Variants in CTDSPL observed in about 807,000 individuals in gnomAD.
CTDSPL encodes CTD small phosphatase-like protein.
Under a neutral mutation model 30.5 loss-of-function variants are expected in CTDSPL, and 8 were observed. The observed-to-expected ratio is 0.26, with a 90% CI of 0.15 to 0.47. CTDSPL has a LOEUF of 0.47. CTDSPL is among the 20% of genes least tolerant of loss of function. CTDSPL has a pLI of 0.99. For synonymous variants in CTDSPL, 110 were observed against 137.9 expected, an observed-to-expected ratio of 0.80 and a Z score of 1.42; for missense variants, 248 against 366.1, an observed-to-expected ratio of 0.68 and a Z score of 2.63.
At chr3:37,972,675 C>T (rs562455831) in intron 6 of CTDSPL, among the ~76,000 whole-genome samples, 2 of 152,218 alleles carry the variant, frequency 1.3e-5, no homozygotes, top group African/African-American at 2.4e-5. Flanking sequence ...TTAGTCTCCC[C>T]CTTCACAGGT....
At chr3:37,927,977 A>G (rs138756812) in intron 1 of CTDSPL, among the ~76,000 whole-genome samples, 1 of 152,162 alleles carries the variant, frequency 6.6e-6, no homozygotes, top group Non-Finnish European at 1.5e-5. Flanking sequence ...TCTTTGTATA[A>G]TATCCTTTAT....
At position 37,975,680 on chromosome 3, in the gene CTDSPL, C is replaced by T. The variant is rs772765399; in HGVS notation, c.520-29C>T. The T allele has an allele frequency of 6.3e-7, 1 of 1,578,594 alleles. No homozygotes were observed. Among genetic ancestry groups the T allele is most frequent in the Non-Finnish European group, 8.6e-7 (1 of 1,157,812 alleles). On this transcript the variant is annotated intron_variant, in intron 6 of 7. Coordinates refer to ENST00000273179, the MANE Select transcript of CTDSPL (RefSeq NM_001008392.2). This position sits in a 1 kb window ranked among gnomAD's most constrained non-coding sequence, Gnocchi z 4.9. ...GGTTTGGGGGGCTCTTTTAAACACC[C>T]AGCCTTCATTGTGACACGTCTTTTC... is the stretch of plus-strand genomic sequence containing the variant.
rs1699482752 is a variant in CTDSPL at position 37,980,793 on chromosome 3, C to A, written c.757C>A (p.Leu253Ile). ...CATGACGGACACGGAGCTGCTGGACCTCATCCCCTTCTTTGAGGGCCTGAG... is the reference window on the plus strand; with the variant it reads ...CATGACGGACACGGAGCTGCTGGACATCATCCCCTTCTTTGAGGGCCTGAG... ...DDMTDTELLD[L>I]IPFFEGLSRE... Residue 253 changes from leucine (L) to isoleucine (I), a missense_variant, in exon 8 of 8, where the codon CTC becomes ATC. Around this residue, in one of 4 missense-constraint regions of CTDSPL, gnomAD observed 84 missense variants for 139.4 expected, o/e 0.60. Coordinates refer to ENST00000273179, the MANE Select transcript of CTDSPL (RefSeq NM_001008392.2). 5 of 1,614,120 alleles carry A rather than the reference C, an allele frequency of 3.1e-6. No individual in the cohort carries two copies. The highest frequency in any genetic ancestry group is 4.2e-6 in the Non-Finnish European group (5 of 1,180,050).
intron 1 of CTDSPL, among the ~76,000 whole-genome samples, chr3:37,896,653 C>T (rs1037345456): frequency 1.4e-4 from 22 of 152,162 alleles, no homozygotes; most frequent in African/African-American, 5.1e-4. Flanking sequence ...CTTCCCACCT[C>T]AGCACCCCCT....
At chr3:37,947,946 A>G (rs546863171) in intron 2 of CTDSPL, among the ~76,000 whole-genome samples, 2 of 152,392 alleles carry the variant, frequency 1.3e-5, no homozygotes, top group Admixed American at 1.3e-4. Context: ...ATCTACCCAC[A>G]TGCTAACACA....
At chr3:37,897,184 A>G (rs1369112417) in intron 1 of CTDSPL, among the ~76,000 whole-genome samples, 1 of 152,194 alleles carries the variant, frequency 6.6e-6, no homozygotes, top group Non-Finnish European at 1.5e-5. Flanking sequence ...AGAGTGTCAG[A>G]ACTCATGAGC....
At chr3:37,931,681 T>C (rs1698856582) in intron 1 of CTDSPL, among the ~76,000 whole-genome samples, 1 of 152,206 alleles carries the variant, frequency 6.6e-6, no homozygotes, top group South Asian at 2.1e-4. Flanking sequence ...ATAGGTATTT[T>C]CTTTGTGGTT....
In CTDSPL at chr3:37,893,023, A is replaced by G. The variant is rs540610601; in HGVS notation, c.79+30745A>G. The stretch of plus-strand genomic sequence containing the variant: ...AGCTGAACATTTACAACCAGTGAAG[A>G]TTAGCCAAGAGGGAGGAAAGGGAAT... On this transcript the variant is annotated intron_variant, in intron 1 of 7. Transcript: ENST00000273179. Among the ~76,000 whole-genome samples the G allele has an allele frequency of 3.9e-5, 6 of 152,342 alleles. No homozygotes were observed. In the South Asian group the frequency reaches 1.2e-3, roughly 32 times the overall value.
intron 1 of CTDSPL, among the ~76,000 whole-genome samples, chr3:37,884,733 T>C (rs1441090487): frequency 6.6e-6 from 1 of 152,126 alleles, no homozygotes; most frequent in East Asian, 1.9e-4. Context: ...CAATATTTCT[T>C]TCCAGAAAGG....
At chr3:37,886,006 C>G (rs964767363) in intron 1 of CTDSPL, among the ~76,000 whole-genome samples, 2 of 152,128 alleles carry the variant, frequency 1.3e-5, no homozygotes, top group African/African-American at 4.8e-5. Context: ...TGTTCCTCCC[C>G]TCCATTTCCC....
At chr3:37,923,381 AC>A (rs2125611476) in intron 1 of CTDSPL, among the ~76,000 whole-genome samples, 1 of 152,328 alleles carries the variant, frequency 6.6e-6, no homozygotes, top group African/African-American at 2.4e-5. Context: ...TGCCATCCCA[AC>A]TGATAGTTCA....
intron 1 of CTDSPL, among the ~76,000 whole-genome samples, chr3:37,875,125 A>G (rs1698121698): frequency 6.6e-6 from 1 of 152,246 alleles, no homozygotes. Flanking sequence ...ATAATATCAA[A>G]TAATGGAGCA....
chr3:37,971,362 A>G (rs1699364810), intron 5 of CTDSPL, 45 bp from the exon 6 acceptor site: 1 of 1,575,606 alleles, frequency 6.3e-7, no homozygotes, highest in Non-Finnish European at 8.7e-7. Flanking sequence ...GGCCATCCCC[A>G]GCAACTGCCA....
chr3:37,969,121 A>G (rs1699333484), intron 5 of CTDSPL, among the ~76,000 whole-genome samples: 1 of 152,268 alleles, frequency 6.6e-6, no homozygotes. Context: ...AGGCTTCTGC[A>G]TTTATCATCT....
intron 1 of CTDSPL, among the ~76,000 whole-genome samples, chr3:37,888,505 G>C (rs969464733): frequency 5.9e-5 from 9 of 152,158 alleles, no homozygotes; most frequent in African/African-American, 2.2e-4. Flanking sequence ...CAGAAAGCAG[G>C]TTGCAGTAGC....
intron 1 of CTDSPL, among the ~76,000 whole-genome samples, chr3:37,945,372 A>C (rs1699023717): frequency 6.6e-6 from 1 of 151,814 alleles, no homozygotes; most frequent in Non-Finnish European, 1.5e-5. Context: ...TTGGGTTTGA[A>C]TCTGGCAAAG....
intron 1 of CTDSPL, among the ~76,000 whole-genome samples, chr3:37,905,599 C>CT (rs1353287345): frequency 6.6e-6 from 1 of 152,212 alleles, no homozygotes; most frequent in African/African-American, 2.4e-5. Flanking sequence ...TCCCCCCCTC[C>CT]CTCCTTGTGC....
chr3:37,949,262 G>A (rs2125623563), intron 2 of CTDSPL, among the ~76,000 whole-genome samples: 1 of 152,260 alleles, frequency 6.6e-6, no homozygotes, highest in East Asian at 1.9e-4. Context: ...GGAAAATTTG[G>A]CAATATCATC....
chr3:37,908,313 A>G lies in CTDSPL; in HGVS notation c.80-38744A>G, dbSNP rs530285950. Among the ~76,000 whole-genome samples the G allele has an allele frequency of 7.0e-3, 1,064 of 152,386 alleles. 9 individuals carry two copies. The highest frequency in any genetic ancestry group is 0.011 in the Non-Finnish European group (746 of 68,032). ...AATCTCCTAATAGAAAGTGGAAGGT[A>G]TGGCAAATGCATGTTAAGCCTGTAA... On this transcript the variant is annotated intron_variant, in intron 1 of 7. Coordinates refer to ENST00000273179, the MANE Select transcript of CTDSPL (RefSeq NM_001008392.2).
Sources: gnomAD v4.1 joint callset for allele counts (sites outside exome capture counted in the v4.1 genomes callset) on GRCh38, gnomAD v4.1.1 for gene constraint, gnomAD v4.1.1 regional missense constraint, Gnocchi (gnomAD v3.1) non-coding constraint, MANE v1.5 for transcripts, NCBI Gene and HGNC (gene_info 2026-07-23, HGNC 2026-07-21) for gene names.